Variants in AKAP13 observed in about 807,000 individuals in gnomAD.
AKAP13 encodes A-kinase anchoring protein 13, also known as A-kinase anchor protein 13.
A neutral mutation model predicts 264.5 loss-of-function variants in AKAP13; 80 were observed. That is an observed-to-expected ratio of 0.30 (90% confidence interval 0.25 to 0.36). The LOEUF is 0.36. Ranked by LOEUF, AKAP13 falls within the 10% of genes least tolerant of loss-of-function variation. AKAP13 has a pLI of 1.00. For synonymous variants in AKAP13, 1,380 were observed against 1,250.2 expected, an observed-to-expected ratio of 1.10 and a Z score of -2.19; for missense variants, 3,712 against 3,435.2, an observed-to-expected ratio of 1.08 and a Z score of -2.01.
At chr15:85,432,577 C>A (rs990438451) in intron 1 of AKAP13, among the ~76,000 whole-genome samples, 2 of 152,006 alleles carry the variant, frequency 1.3e-5, no homozygotes, top group Admixed American at 1.3e-4. Flanking sequence ...AGTATATAAA[C>A]CAGGAAAAAC....
At chr15:85,392,406 C>T (rs2070911040) in intron 1 of AKAP13, among the ~76,000 whole-genome samples, 1 of 151,742 alleles carries the variant, frequency 6.6e-6, no homozygotes, top group Admixed American at 6.6e-5. Context: ...AGGCGTGCAC[C>T]ACCACGCCCG....
intron 1 of AKAP13, among the ~76,000 whole-genome samples, chr15:85,432,586 A>G (rs1319184713): frequency 2.6e-5 from 4 of 152,130 alleles, no homozygotes; most frequent in Non-Finnish European, 5.9e-5. Flanking sequence ...ACCAGGAAAA[A>G]CTTTACTTTG....
At chr15:85,645,721 A>C in intron 9 of AKAP13, 97 bp from the exon 10 acceptor site, 1 of 1,289,474 alleles carries the variant, frequency 7.8e-7, no homozygotes, top group Non-Finnish European at 1.0e-6. Flanking sequence ...GAGATTTAAA[A>C]GACTGGTTGC....
chr15:85,445,564 C>T (rs951640202), intron 1 of AKAP13, among the ~76,000 whole-genome samples: 3 of 152,126 alleles, frequency 2.0e-5, no homozygotes, highest in Non-Finnish European at 2.9e-5. Flanking sequence ...TATATGACAG[C>T]GTGCTCTTAT....
chr15:85,415,216 C>T, intron 1 of AKAP13: 1 of 1,535,012 alleles, frequency 6.5e-7, no homozygotes. Flanking sequence ...GCCAGCTCGC[C>T]CGCACCCCTC....
intron 5 of AKAP13, among the ~76,000 whole-genome samples, chr15:85,570,438 C>T (rs952220124): frequency 5.3e-5 from 8 of 152,094 alleles, no homozygotes; most frequent in Non-Finnish European, 5.9e-5. Context: ...GGTGACAGAA[C>T]GAGACTCTGT....
intron 2 of AKAP13, among the ~76,000 whole-genome samples, chr15:85,513,724 T>C (rs1043029821): frequency 3.9e-5 from 6 of 152,234 alleles, no homozygotes; most frequent in African/African-American, 1.4e-4. Context: ...TTGTCATGTC[T>C]CTTAGCCTTC....
chr15:85,680,244 C>T (rs1597033110), intron 14 of AKAP13, among the ~76,000 whole-genome samples: 1 of 152,226 alleles, frequency 6.6e-6, no homozygotes, highest in East Asian at 1.9e-4. Context: ...AATGCTGCTC[C>T]TATCACTGAA....
At chr15:85,687,857 A>G (rs1165482165) in intron 16 of AKAP13, among the ~76,000 whole-genome samples, 2 of 152,088 alleles carry the variant, frequency 1.3e-5, no homozygotes, top group Non-Finnish European at 2.9e-5. Context: ...TGGGCAGTAT[A>G]GTGAGACCTC....
At chr15:85,487,194 A>AC (rs1397866714) in intron 2 of AKAP13, among the ~76,000 whole-genome samples, 2 of 152,226 alleles carry the variant, frequency 1.3e-5, no homozygotes, top group Non-Finnish European at 2.9e-5. Context: ...TTTTCTCTGT[A>AC]CAGGATCAAG....
chr15:85,458,589 A>T (rs1317944042), intron 1 of AKAP13, among the ~76,000 whole-genome samples: 2 of 151,762 alleles, frequency 1.3e-5, no homozygotes, highest in African/African-American at 4.8e-5. Flanking sequence ...CCTTGTAGAC[A>T]CAGTTATTTG....
chr15:85,688,031 TAAAAAAAAA>T (rs60030351), intron 16 of AKAP13, among the ~76,000 whole-genome samples: 1 of 138,332 alleles, frequency 7.2e-6, no homozygotes. Context: ...CCCTGTCTCT[TAAAAAAAAA>T]AAAAAAAAAG....
intron 3 of AKAP13, among the ~76,000 whole-genome samples, chr15:85,525,251 G>A (rs1487341975): frequency 6.6e-6 from 1 of 151,802 alleles, no homozygotes; most frequent in African/African-American, 2.4e-5. Context: ...GTAGAGACAG[G>A]GTTTCACCGT....
Position 85,664,769 on chromosome 15 carries a change from A to G in AKAP13, c.4992+14A>G, listed in dbSNP as rs748098337. On this transcript the variant is annotated intron_variant, in intron 13 of 36. Transcript: ENST00000394518. ...TTTGATCAGCAGGTAAGTCTTAAAT[A>G]TGTCTAATTTGGAAAAAATATATTT... is the stretch of plus-strand genomic sequence containing the variant. 8 of 1,599,418 alleles carry G rather than the reference A, an allele frequency of 5.0e-6. No homozygotes were observed. In the Admixed American group the frequency reaches 6.9e-5, roughly 14 times the overall value.
chr15:85,573,572 A>AATAAATAAATAAATATG (rs998963083), intron 5 of AKAP13, among the ~76,000 whole-genome samples: 1 of 151,840 alleles, frequency 6.6e-6, no homozygotes, highest in South Asian at 2.1e-4. Flanking sequence ...TAAATAAATA[A>AATAAATAAATAAATATG]ATATGATATG....
chr15:85,656,603 C>A (rs573479255), intron 11 of AKAP13, among the ~76,000 whole-genome samples: 211 of 152,300 alleles, frequency 1.4e-3, no homozygotes, highest in Non-Finnish European at 2.6e-3. Context: ...CCCGCCACCA[C>A]GCCTGGCTAA....
intron 1 of AKAP13, among the ~76,000 whole-genome samples, chr15:85,406,354 G>GCT (rs2071662100): frequency 6.6e-6 from 1 of 151,176 alleles, no homozygotes; most frequent in Non-Finnish European, 1.5e-5. Flanking sequence ...TTCAAGTCTT[G>GCT]CTCTCTCTCA....
At position 85,533,842 on chromosome 15, in the gene AKAP13, C is replaced by A. The variant is rs373706610; in HGVS notation, c.440C>A (p.Thr147Lys). The A allele has an allele frequency of 1.2e-6, 2 of 1,612,432 alleles. No individual in the cohort carries two copies. Among genetic ancestry groups the A allele is most frequent in the African/African-American group, 2.7e-5 (2 of 74,978 alleles). The change falls in exon 4 of 37, where the codon ACG (threonine) becomes AAG (lysine). Residue 147 changes from threonine (T) to lysine (K), a missense_variant. By Grantham distance (78) the Thr-to-Lys change is moderately conservative. Around this residue, in one of 3 missense-constraint regions of AKAP13, gnomAD observed 2,759 missense variants for 2,411.7 expected, o/e 1.14. Coordinates refer to ENST00000394518, the MANE Select transcript of AKAP13 (RefSeq NM_007200.5). The part of the protein sequence containing the change: ...VLAFRHLKLP[T>K]EWNVLGTDQS... ...GCATTCAGGCACCTGAAGCTGCCCA[C>A]GGAGTGGAATGTATTGGGGACAGAT...
chr15:85,705,077 T>C (rs764562622), intron 17 of AKAP13, among the ~76,000 whole-genome samples: 1 of 152,178 alleles, frequency 6.6e-6, no homozygotes, highest in Non-Finnish European at 1.5e-5. Flanking sequence ...GGTTGTGGGT[T>C]TGGGGACATG....
Sources: allele counts gnomAD v4.1 joint callset (sites outside exome capture counted in the v4.1 genomes callset), GRCh38; gene constraint gnomAD v4.1.1; regional missense constraint gnomAD v4.1.1; transcripts MANE v1.5; gene names NCBI Gene and HGNC (gene_info 2026-07-23, HGNC 2026-07-21).